CYP4A22: variants seen among roughly 807,000 people sequenced by gnomAD.
CYP4A22 encodes cytochrome P450 4A22.
Under a neutral mutation model 56.2 loss-of-function variants are expected in CYP4A22, and 46 were observed. The observed-to-expected ratio is 0.82, with a 90% CI of 0.65 to 1.05. The LOEUF (loss-of-function observed/expected upper bound fraction) is 1.05, where lower values mean the gene tolerates loss of function less well. Ranked by LOEUF, CYP4A22 falls within the 50% of genes least tolerant of loss-of-function variation. CYP4A22 has a pLI of 0.00. For missense variants in CYP4A22, 541 were observed against 645.9 expected (o/e 0.84, Z 1.76); for synonymous variants, 193 against 251.1 (o/e 0.77, Z 2.19).
rs138579860 is a variant in CYP4A22 at position 47,143,880 on chromosome 1, A to G, written c.754A>G (p.Thr252Ala). The stretch of plus-strand genomic sequence containing the variant: ...CAGCCTGACCTCTGCTGGCCGCTGG[A>G]CACACCGCGCCTGCCAGCTGGCCCA... ...IYSLTSAGRWTHRACQLAHQH... is the reference protein window; with the variant it reads ...IYSLTSAGRWAHRACQLAHQH... Residue 252 changes from threonine to alanine, a missense_variant, in exon 6 of 12, where the codon ACA becomes GCA. Physicochemically the swap from Thr to Ala is moderately conservative, Grantham distance 58. This residue lies in a region of CYP4A22 where 335 missense variants were observed against 361.2 expected (regional missense o/e 0.93). Coordinates refer to ENST00000371891, the MANE Select transcript of CYP4A22 (RefSeq NM_001010969.4). 11 of 1,613,760 alleles carry G rather than the reference A, an allele frequency of 6.8e-6. No homozygotes were observed. In the African/African-American group the frequency reaches 1.5e-4, roughly 22 times the overall value.
At chr1:47,137,705 T>C in intron 1 of CYP4A22, 25 bp downstream of exon 1, 1 of 1,591,388 alleles carries the variant, frequency 6.3e-7, no homozygotes, top group Non-Finnish European at 8.6e-7. Context: ...AGTGGGGGAG[T>C]GGGAGGGCAA....
chr1:47,144,028 T>C, intron 6 of CYP4A22, 112 bp downstream of exon 6: 1 of 1,499,190 alleles, frequency 6.7e-7, no homozygotes, highest in Non-Finnish European at 8.9e-7. Flanking sequence ...CAGAACACAC[T>C]CAGCCTGGGG....
In CYP4A22 at chr1:47,142,240, G is replaced by C; in HGVS notation, c.510+5G>C. ...GACTCTGTACGAGTGATGCTGGTGA[G>C]TCCATGTCTCTCTCCTCTCCCCACA... On this transcript the variant is annotated splice_donor_5th_base_variant and intron_variant, in intron 4 of 11. Transcript: ENST00000371891. The C allele has an allele frequency of 1.3e-6, 2 of 1,595,564 alleles. No homozygotes were observed. The highest frequency in any genetic ancestry group is 1.7e-6 in the Non-Finnish European group (2 of 1,170,200).
intron 1 of CYP4A22, among the ~76,000 whole-genome samples, chr1:47,140,144 T>C (rs529839466): frequency 1.3e-5 from 2 of 152,268 alleles, no homozygotes; most frequent in East Asian, 3.9e-4. Context: ...AATTCATTGA[T>C]AAGTGAAAAT....
At chr1:47,145,744 A>T in intron 9 of CYP4A22, 122 bp from the exon 10 acceptor site, 4 of 1,392,462 alleles carry the variant, frequency 2.9e-6, no homozygotes, top group East Asian at 2.3e-5. Context: ...GAATCATCCT[A>T]GTCAAAGTGA....
In CYP4A22 at chr1:47,138,997, C is replaced by G. The variant is rs867536721; in HGVS notation, c.195+1317C>G. Reference sequence around the variant, plus strand: ...AACATAGTTCTCAGCAGAGCAGAACCAATGTGGGGACCTGACAAAGTTCTA... The same window carrying G: ...AACATAGTTCTCAGCAGAGCAGAACGAATGTGGGGACCTGACAAAGTTCTA... On this transcript the variant is annotated intron_variant, in intron 1 of 11. Transcript: ENST00000371891. 1.4e-4 allele frequency among the ~76,000 whole-genome samples: 22 copies of G among 152,320 alleles called. No homozygotes were observed. In the South Asian group the frequency reaches 4.6e-3, roughly 32 times the overall value.
At position 47,137,576 on chromosome 1, in the gene CYP4A22, C is replaced by T. The variant is rs1187586709; in HGVS notation, c.91C>T (p.Leu31=). 2.5e-6 allele frequency: 4 copies of T among 1,614,104 alleles called. No individual in the cohort carries two copies. Among genetic ancestry groups the T allele is most frequent in the Non-Finnish European group, 3.4e-6 (4 of 1,180,034 alleles). Reference sequence around the variant, plus strand: ...CTCCCTGCTCATTCTGCTTCTGCTGCTGATCAAGGCAGCTCAGCTCTACCT... The same window carrying T: ...CTCCCTGCTCATTCTGCTTCTGCTGTTGATCAAGGCAGCTCAGCTCTACCT... ...VTSLLILLLL[L]IKAAQLYLHR... The change falls in exon 1 of 12, where the codon CTG becomes TTG. Residue 31 remains leucine (L), a synonymous_variant. Transcript: ENST00000371891.
Position 47,149,194 on chromosome 1 carries a change from G to A in CYP4A22, c.*397G>A. ...AAGCCCGGGGCATAAAACCCCTCGTGGCTTGGATAGAATCCAGGGCTCGTG... is the reference window on the plus strand; with the variant it reads ...AAGCCCGGGGCATAAAACCCCTCGTAGCTTGGATAGAATCCAGGGCTCGTG... On this transcript the variant is annotated 3_prime_UTR_variant, in exon 12 of 12. Coordinates refer to ENST00000371891, the MANE Select transcript of CYP4A22 (RefSeq NM_001010969.4). 6.0e-6 allele frequency: 1 copy of A among 166,064 alleles called. No homozygotes were observed. Among genetic ancestry groups the A allele is most frequent in the East Asian group, 1.8e-4 (1 of 5,594 alleles). 10.3% of individuals were successfully genotyped at this position (166,064 alleles called of 1,614,324 possible).
rs35003586 is a variant in CYP4A22, at chr1:47,145,833, C to T, written c.1223-33C>T. Reference sequence around the variant, plus strand: ...TACCAGGCCACCCCATGCAAATGATCGGTCTTCTCTCTCTTTCCAACCTGC... The same window carrying T: ...TACCAGGCCACCCCATGCAAATGATTGGTCTTCTCTCTCTTTCCAACCTGC... On this transcript the variant is annotated intron_variant, in intron 9 of 11. Coordinates refer to ENST00000371891, the MANE Select transcript of CYP4A22 (RefSeq NM_001010969.4). 3.3e-5 allele frequency: 54 copies of T among 1,613,352 alleles called. No homozygotes were observed. The East Asian group carries it at 4.0e-4, about 12-fold the overall frequency.
chr1:47,143,885 C>A lies in CYP4A22; in HGVS notation c.759C>A (p.His253Gln). 6.2e-7 allele frequency: 1 copy of A among 1,613,270 alleles called. No homozygotes were observed. Among genetic ancestry groups the A allele is most frequent in the Non-Finnish European group, 8.5e-7 (1 of 1,179,652 alleles). ...YSLTSAGRWT[H>Q]RACQLAHQHT... The stretch of plus-strand genomic sequence containing the variant: ...TGACCTCTGCTGGCCGCTGGACACA[C>A]CGCGCCTGCCAGCTGGCCCATCAGC... The change falls in exon 6 of 12, where the codon CAC becomes CAA. Residue 253 changes from histidine (H) to glutamine (Q), a missense_variant. Transcript: ENST00000371891.
chr1:47,137,593 G>T lies in CYP4A22; in HGVS notation c.108G>T (p.Gln36His). The T allele has an allele frequency of 3.1e-6, 5 of 1,614,180 alleles. No homozygotes were observed. The highest frequency in any genetic ancestry group is 3.4e-6 in the Non-Finnish European group (4 of 1,180,012). Residue 36 changes from glutamine (Q) to histidine (H), a missense_variant, in exon 1 of 12, where the codon CAG becomes CAT. Gln to His is a conservative substitution (Grantham distance 24). Around this residue, in one of 3 missense-constraint regions of CYP4A22, gnomAD observed 335 missense variants for 361.2 expected, o/e 0.93. Coordinates refer to ENST00000371891, the MANE Select transcript of CYP4A22 (RefSeq NM_001010969.4). ...TTCTGCTGCTGATCAAGGCAGCTCA[G>T]CTCTACCTGCATAGGCAGTGGCTGC... ...ILLLLLIKAA[Q>H]LYLHRQWLLK...
intron 11 of CYP4A22, among the ~76,000 whole-genome samples, chr1:47,147,572 G>T (rs1250266899): frequency 6.6e-6 from 1 of 152,160 alleles, no homozygotes; most frequent in African/African-American, 2.4e-5. Context: ...CCCTGTCCCT[G>T]GTGCTGTCCG....
intron 1 of CYP4A22, among the ~76,000 whole-genome samples, chr1:47,138,601 T>C (rs1252366832): frequency 6.6e-6 from 1 of 152,216 alleles, no homozygotes; most frequent in Non-Finnish European, 1.5e-5. Flanking sequence ...ATTCGTAAAC[T>C]TTCTTAAAAC....
chr1:47,142,457 A>G (rs773808311), intron 4 of CYP4A22, among the ~76,000 whole-genome samples: 2 of 152,242 alleles, frequency 1.3e-5, no homozygotes, highest in Non-Finnish European at 2.9e-5. Flanking sequence ...CCATAGGAAT[A>G]GAGATTCATG....
chr1:47,143,676 C>T (rs1645039326), intron 5 of CYP4A22, 86 bp from the exon 6 acceptor site: 9 of 1,503,866 alleles, frequency 6.0e-6, no homozygotes, highest in Non-Finnish European at 8.0e-6. Context: ...TCCCCATTAT[C>T]CGAGGCTGCC....
rs756889395 is a variant in CYP4A22, at chr1:47,143,298, T to C, written c.540T>C (p.Asp180=). Residue 180 remains aspartate (D), a synonymous_variant, in exon 5 of 12, where the codon GAT becomes GAC. Transcript: ENST00000371891. ...AATGGGAAGAGCTCCTTGGCCAGGA[T>C]TCCCCTCTGGAGGTCTTTCAGCACG... ...LDKWEELLGQ[D]SPLEVFQHVS... 6 of 1,613,644 alleles carry C rather than the reference T, an allele frequency of 3.7e-6. No individual in the cohort carries two copies. The South Asian group carries it at 6.6e-5, about 18-fold the overall frequency.
In CYP4A22 at chr1:47,148,612, G is replaced by A. The variant is rs554623281; in HGVS notation, c.1375G>A (p.Gly459Arg). 8.3e-5 allele frequency: 133 copies of A among 1,610,436 alleles called. No individual in the cohort carries two copies. Among genetic ancestry groups the A allele is most frequent in the East Asian group, 1.8e-4 (8 of 44,822 alleles). ...PFSGGSRNCI[G>R]KQFAMNQLKV... ...CTCCGCCTGGCCCAGGAACTGCATC[G>A]GGAAACAATTTGCCATGAACCAGCT... The change falls in exon 12 of 12, where the codon GGG (glycine) becomes AGG (arginine). Residue 459 changes from glycine to arginine, a missense_variant. Physicochemically the swap from Gly to Arg is moderately radical, Grantham distance 125. This residue lies in a region of CYP4A22 where 204 missense variants were observed against 258.9 expected (regional missense o/e 0.79). Coordinates refer to ENST00000371891, the MANE Select transcript of CYP4A22 (RefSeq NM_001010969.4).
rs751173345 is a variant in CYP4A22 at position 47,144,671 on chromosome 1, A to G, written c.1019A>G (p.His340Arg). The change falls in exon 8 of 12, where the codon CAC becomes CGC. Residue 340 changes from histidine (H) to arginine (R), a missense_variant. His to Arg is a conservative substitution (Grantham distance 29). This residue lies in a region of CYP4A22 where 204 missense variants were observed against 258.9 expected (regional missense o/e 0.79). Coordinates refer to ENST00000371891, the MANE Select transcript of CYP4A22 (RefSeq NM_001010969.4). ...TGGATCCTCTATGCTCTGGCCACAC[A>G]CCCCAAGCATCAGGAGAGGTGCCGG... Reference protein sequence around the residue: ...ISWILYALATHPKHQERCREE... With the variant: ...ISWILYALATRPKHQERCREE... 31 of 1,613,632 alleles carry G rather than the reference A, an allele frequency of 1.9e-5. No individual in the cohort carries two copies. Among genetic ancestry groups the G allele is most frequent in the Non-Finnish European group, 2.5e-5 (30 of 1,179,830 alleles).
intron 11 of CYP4A22, 79 bp downstream of exon 11, chr1:47,146,232 T>C (rs1215715989): frequency 1.9e-6 from 3 of 1,610,720 alleles, no homozygotes; most frequent in East Asian, 4.5e-5. Flanking sequence ...GTGAGCCCGA[T>C]GTTCATATGT....
Sources: gnomAD v4.1 joint callset for allele counts (sites outside exome capture counted in the v4.1 genomes callset) on GRCh38, gnomAD v4.1.1 for gene constraint, gnomAD v4.1.1 regional missense constraint, MANE v1.5 for transcripts, NCBI Gene and HGNC (gene_info 2026-07-23, HGNC 2026-07-21) for gene names.